The following OTUD7A variants were observed in gnomAD, a reference collection of about 807,000 sequenced individuals.
The protein encoded by OTUD7A is OTU deubiquitinase 7A.
Under a neutral mutation model 65.7 loss-of-function variants are expected in OTUD7A, and 12 were observed. That is an observed-to-expected ratio of 0.18 (90% CI 0.12 to 0.30). OTUD7A has a LOEUF of 0.30. Among genes scored for constraint, OTUD7A ranks in the 10% least tolerant of loss-of-function variants. The probability of loss-of-function intolerance (pLI) is 1.00; values close to 1 mark genes in which losing one functional copy is unlikely to be tolerated. For missense variants in OTUD7A, 1,148 were observed against 1,304.8 expected (o/e 0.88, Z 1.85); for synonymous variants, 641 against 586.3 (o/e 1.09, Z -1.35).
At chr15:31,622,780 C>T (rs948383112) in intron 3 of OTUD7A, among the ~76,000 whole-genome samples, 9 of 152,356 alleles carry the variant, frequency 5.9e-5, no homozygotes, top group East Asian at 3.9e-4. Context: ...AGTCATTCTC[C>T]GTCCAGCTTT....
At chr15:31,504,020 G>A (rs537356126) in intron 8 of OTUD7A, among the ~76,000 whole-genome samples, 8 of 152,324 alleles carry the variant, frequency 5.3e-5, no homozygotes, top group South Asian at 2.1e-4. Flanking sequence ...CTACCCCACC[G>A]TGGGAGCGGT....
intron 1 of OTUD7A, among the ~76,000 whole-genome samples, chr15:31,829,103 A>G (rs981606527): frequency 3.3e-5 from 5 of 152,230 alleles, no homozygotes; most frequent in African/African-American, 1.2e-4. Context: ...AGACCAACAG[A>G]AAGGTGAACA....
At chr15:31,821,133 CTTT>C (rs35732957) in intron 1 of OTUD7A, among the ~76,000 whole-genome samples, 36 of 97,450 alleles carry the variant, frequency 3.7e-4, no homozygotes, top group African/African-American at 1.5e-3. Flanking sequence ...TTTTTCATTT[CTTT>C]TTTTTTTTTT....
chr15:31,560,340 G>A (rs1888650297), intron 4 of OTUD7A, among the ~76,000 whole-genome samples: 1 of 152,176 alleles, frequency 6.6e-6, no homozygotes, highest in Admixed American at 6.5e-5. Context: ...CAAAAATAAT[G>A]CTCTCCTCTG....
At chr15:31,751,447 A>G (rs951878431) in intron 1 of OTUD7A, among the ~76,000 whole-genome samples, 2 of 152,210 alleles carry the variant, frequency 1.3e-5, no homozygotes, top group Admixed American at 1.3e-4. Flanking sequence ...AAAAGGGAAC[A>G]CTTACACACT....
chr15:31,507,568 G>C (rs116065723), intron 8 of OTUD7A, among the ~76,000 whole-genome samples: 1,763 of 152,224 alleles, frequency 0.012, 33 homozygotes, highest in African/African-American at 0.041. Flanking sequence ...ATTTATTGTG[G>C]AGAGAGAAAG....
chr15:31,502,456 T>C (rs1390548061), intron 9 of OTUD7A, among the ~76,000 whole-genome samples: 1 of 152,222 alleles, frequency 6.6e-6, no homozygotes, highest in Non-Finnish European at 1.5e-5. Flanking sequence ...TTTGAGGTCA[T>C]GAAACGTCTT....
intron 3 of OTUD7A, among the ~76,000 whole-genome samples, chr15:31,625,411 TAAA>T (rs796492835): frequency 3.6e-5 from 5 of 139,320 alleles, no homozygotes; most frequent in Admixed American, 7.2e-5. Flanking sequence ...ATTCCTGATT[TAAA>T]AAAAAAAAAA....
intron 5 of OTUD7A, among the ~76,000 whole-genome samples, chr15:31,545,247 T>C (rs1888095792): frequency 6.6e-6 from 1 of 152,052 alleles, no homozygotes; most frequent in African/African-American, 2.4e-5. Context: ...GATGAATATA[T>C]GGGAAAATGG....
chr15:31,481,953 T>C lies in OTUD7A; in HGVS notation c.*1341A>G, dbSNP rs1295419119. 1.3e-5 allele frequency: 2 copies of C among 152,162 alleles called. No homozygotes were observed. The highest frequency in any genetic ancestry group is 2.9e-5 in the Non-Finnish European group (2 of 68,018). 9.4% of individuals were successfully genotyped at this position (152,162 alleles called of 1,614,324 possible). A position where few individuals can be genotyped will look rare whatever the true frequency, so the allele number is the denominator to read the frequency against. The stretch of plus-strand genomic sequence containing the variant: ...TTATAGTATTCTTTGTTAGTGAGGA[T>C]TTTACCCATCTTATCCTCATTTCTT... On this transcript the variant is annotated 3_prime_UTR_variant, in exon 13 of 13. Coordinates refer to ENST00000307050, the MANE Select transcript of OTUD7A (RefSeq NM_001382637.1).
Position 31,545,374 on chromosome 15 carries a change from T to C in OTUD7A, c.550+13595A>G, listed in dbSNP as rs138562419. 5.7e-4 allele frequency among the ~76,000 whole-genome samples: 87 copies of C among 152,062 alleles called. No homozygotes were observed. In the East Asian group the frequency reaches 0.016, roughly 27 times the overall value. On this transcript the variant is annotated intron_variant, in intron 5 of 12. Coordinates refer to ENST00000307050, the MANE Select transcript of OTUD7A (RefSeq NM_001382637.1). ...TGGGGTAGGCAAAGGTTTCTTAAGC[T>C]GAAATAGAGGCTCTCAAGTAAGGGG...
At chr15:31,579,003 C>T (rs1352639675) in intron 3 of OTUD7A, among the ~76,000 whole-genome samples, 1 of 151,968 alleles carries the variant, frequency 6.6e-6, no homozygotes, top group African/African-American at 2.4e-5. Context: ...CTCCAAATGT[C>T]TCTCCAAATA....
intron 1 of OTUD7A, among the ~76,000 whole-genome samples, chr15:31,870,262 C>T (rs1411689465): frequency 6.7e-6 from 1 of 148,370 alleles, no homozygotes; most frequent in South Asian, 2.1e-4. Flanking sequence ...GAGCCGGTGG[C>T]CCGGGAGCCC....
At chr15:31,597,229 ATTTAT>A (rs1312886808) in intron 3 of OTUD7A, among the ~76,000 whole-genome samples, 2 of 152,056 alleles carry the variant, frequency 1.3e-5, no homozygotes, top group Non-Finnish European at 2.9e-5. Flanking sequence ...TACCCAGCCT[ATTTAT>A]TTTAAGTGTC....
intron 1 of OTUD7A, among the ~76,000 whole-genome samples, chr15:31,831,668 CA>C (rs1208889452): frequency 2.6e-5 from 4 of 152,204 alleles, no homozygotes; most frequent in Non-Finnish European, 4.4e-5. Flanking sequence ...AATCCGTTCA[CA>C]GAAAGCCTTG....
At chr15:31,862,039 C>G (rs1375224072) in intron 1 of OTUD7A, among the ~76,000 whole-genome samples, 1 of 152,148 alleles carries the variant, frequency 6.6e-6, no homozygotes, top group Non-Finnish European at 1.5e-5. Flanking sequence ...CAGACCCTAG[C>G]CTGGTGTCAT....
At chr15:31,609,055 A>C (rs114133318) in intron 3 of OTUD7A, among the ~76,000 whole-genome samples, 345 of 152,324 alleles carry the variant, frequency 2.3e-3, no homozygotes, top group African/African-American at 7.7e-3. Flanking sequence ...AGCTGAGCGA[A>C]ATACAGGGGT....
chr15:31,500,699 T>G (rs955539771), intron 10 of OTUD7A, among the ~76,000 whole-genome samples: 1 of 152,256 alleles, frequency 6.6e-6, no homozygotes, highest in Non-Finnish European at 1.5e-5. Context: ...ATTTACTTCC[T>G]GAGCTGCACA....
intron 1 of OTUD7A, among the ~76,000 whole-genome samples, chr15:31,703,057 G>GAAAT (rs1321240187): frequency 6.6e-6 from 1 of 151,968 alleles, no homozygotes; most frequent in African/African-American, 2.4e-5. Flanking sequence ...AAGAAAGAAA[G>GAAAT]AAAGAGACTT....
Sources: gnomAD v4.1 joint callset for allele counts (sites outside exome capture counted in the v4.1 genomes callset) on GRCh38, gnomAD v4.1.1 for gene constraint, MANE v1.5 for transcripts, NCBI Gene and HGNC (gene_info 2026-07-23, HGNC 2026-07-21) for gene names.